Variants in GALNTL6 observed in about 807,000 individuals in gnomAD.
GALNTL6 encodes the protein polypeptide N-acetylgalactosaminyltransferase like 6.
Under a neutral mutation model 73.7 loss-of-function variants are expected in GALNTL6, and 46 were observed. That is an observed-to-expected ratio of 0.62 (90% CI 0.49 to 0.80). GALNTL6 has a LOEUF of 0.80. GALNTL6 is among the 30% of genes least tolerant of loss of function. The probability of loss-of-function intolerance (pLI) is 0.00; values close to 1 mark genes in which losing one functional copy is unlikely to be tolerated. For synonymous variants in GALNTL6, 259 were observed against 263.7 expected, an observed-to-expected ratio of 0.98 and a Z score of 0.17; for missense variants, 604 against 755.0, an observed-to-expected ratio of 0.80 and a Z score of 2.34.
intron 5 of GALNTL6, among the ~76,000 whole-genome samples, chr4:172,635,890 A>C (rs557867246): frequency 6.6e-6 from 1 of 152,214 alleles, no homozygotes; most frequent in Admixed American, 6.5e-5. Flanking sequence ...CCACTAAACC[A>C]TATGATAATT....
At chr4:172,826,103 G>A (rs1469097293) in intron 7 of GALNTL6, among the ~76,000 whole-genome samples, 1 of 152,042 alleles carries the variant, frequency 6.6e-6, no homozygotes, top group Non-Finnish European at 1.5e-5. Context: ...CTTCCACCGT[G>A]AGCAGCAGGC....
chr4:172,818,903 A>G (rs181707955), intron 7 of GALNTL6, among the ~76,000 whole-genome samples: 158 of 152,202 alleles, frequency 1.0e-3, no homozygotes, highest in African/African-American at 3.5e-3. Context: ...GGCCACAATC[A>G]TCCATTTTAT....
intron 5 of GALNTL6, among the ~76,000 whole-genome samples, chr4:172,779,122 T>A (rs1029178177): frequency 3.9e-5 from 6 of 152,162 alleles, no homozygotes; most frequent in Non-Finnish European, 8.8e-5. Flanking sequence ...ACCCAGAGCC[T>A]ACAGGGGTAC....
chr4:172,243,097 T>C (rs576967068), intron 3 of GALNTL6, among the ~76,000 whole-genome samples: 4 of 152,338 alleles, frequency 2.6e-5, no homozygotes, highest in South Asian at 2.1e-4. Flanking sequence ...CCTCAACTCT[T>C]ACTGATTGGT....
intron 7 of GALNTL6, among the ~76,000 whole-genome samples, chr4:172,870,511 G>A (rs1318209832): frequency 6.6e-6 from 1 of 152,168 alleles, no homozygotes. Context: ...ACTATTTCAG[G>A]TAATAGCCTT....
At chr4:172,867,231 G>T (rs949630714) in intron 7 of GALNTL6, among the ~76,000 whole-genome samples, 1 of 152,160 alleles carries the variant, frequency 6.6e-6, no homozygotes, top group African/African-American at 2.4e-5. Flanking sequence ...GACAAAAAGG[G>T]TATAACATCC....
chr4:172,678,178 T>C lies in GALNTL6; in HGVS notation c.554-131183T>C, dbSNP rs564416807. ...TGAGGCCTACAGGGCGATTTGGCAC[T>C]GGCTGTGACTGGACTGTTTTCCAGG... On this transcript the variant is annotated intron_variant, in intron 5 of 12. Transcript: ENST00000506823. Among the ~76,000 whole-genome samples, 20 of 152,370 alleles carry C rather than the reference T, an allele frequency of 1.3e-4. No individual in the cohort carries two copies. In the East Asian group the frequency reaches 2.5e-3, roughly 19 times the overall value.
intron 4 of GALNTL6, among the ~76,000 whole-genome samples, chr4:172,329,839 G>T (rs1741066160): frequency 6.6e-6 from 1 of 152,198 alleles, no homozygotes; most frequent in Non-Finnish European, 1.5e-5. Context: ...TGGCAAGGGT[G>T]GCTAGTGACC....
chr4:172,430,122 G>T (rs1006315282), intron 5 of GALNTL6, among the ~76,000 whole-genome samples: 2 of 151,812 alleles, frequency 1.3e-5, no homozygotes, highest in African/African-American at 4.8e-5. Flanking sequence ...GAAACGGAGA[G>T]AAAATATTAA....
chr4:172,178,227 C>A (rs769332411), intron 2 of GALNTL6, among the ~76,000 whole-genome samples: 13 of 152,020 alleles, frequency 8.6e-5, no homozygotes, highest in Non-Finnish European at 1.0e-4. Flanking sequence ...GTTTGAACAG[C>A]GCCTGACAAA....
At chr4:172,477,753 T>G (rs1733291411) in intron 5 of GALNTL6, among the ~76,000 whole-genome samples, 1 of 152,202 alleles carries the variant, frequency 6.6e-6, no homozygotes, top group Non-Finnish European at 1.5e-5. Flanking sequence ...GGATGCTTGT[T>G]GTAGGCTGTG....
At chr4:172,424,366 G>A (rs1396104670) in intron 5 of GALNTL6, among the ~76,000 whole-genome samples, 1 of 151,912 alleles carries the variant, frequency 6.6e-6, no homozygotes, top group Non-Finnish European at 1.5e-5. Context: ...TAATTTAATG[G>A]TTCTACACAT....
chr4:172,413,601 T>C lies in GALNTL6; in HGVS notation c.553+64912T>C, dbSNP rs144782455. On this transcript the variant is annotated intron_variant, in intron 5 of 12. Transcript: ENST00000506823. Reference sequence around the variant, plus strand: ...GGCTTTTATGATGACCAAAATTGTATGTGCTAGTAACTCTACTTGACATTA... The same window carrying C: ...GGCTTTTATGATGACCAAAATTGTACGTGCTAGTAACTCTACTTGACATTA... Among the ~76,000 whole-genome samples, 514 of 152,202 alleles carry C rather than the reference T, an allele frequency of 3.4e-3. 5 individuals are homozygous for C. The highest frequency in any genetic ancestry group is 0.02 in the Middle Eastern group (6 of 294).
chr4:172,123,533 C>A (rs1289915962), intron 2 of GALNTL6, among the ~76,000 whole-genome samples: 1 of 116,670 alleles, frequency 8.6e-6, no homozygotes, highest in African/African-American at 3.4e-5. Flanking sequence ...GATGGAGTCT[C>A]ACTCTGTCGC....
At chr4:172,397,887 A>G (rs1257777343) in intron 5 of GALNTL6, among the ~76,000 whole-genome samples, 1 of 152,048 alleles carries the variant, frequency 6.6e-6, no homozygotes. Flanking sequence ...ACTATCTTTT[A>G]TTTTTATCTT....
chr4:172,101,559 A>T (rs1307399981), intron 2 of GALNTL6, among the ~76,000 whole-genome samples: 1 of 152,210 alleles, frequency 6.6e-6, no homozygotes, highest in Non-Finnish European at 1.5e-5. Flanking sequence ...TCAATTGCAG[A>T]CATGCCATTC....
chr4:171,916,960 T>A lies in GALNTL6; in HGVS notation c.138+102242T>A, dbSNP rs147960395. ...CCCACGCAGGGAGAGTTTAGGGATG[T>A]CAGTAATGGTATTGATGAAGACAGA... On this transcript the variant is annotated intron_variant, in intron 2 of 12. Coordinates refer to ENST00000506823, the MANE Select transcript of GALNTL6 (RefSeq NM_001034845.3). 3.8e-3 allele frequency among the ~76,000 whole-genome samples: 571 copies of A among 152,158 alleles called. 5 individuals carry two copies. The highest frequency in any genetic ancestry group is 3.7e-3 in the Non-Finnish European group (251 of 67,970).
At chr4:172,797,290 T>C (rs567597132) in intron 5 of GALNTL6, among the ~76,000 whole-genome samples, 3 of 152,256 alleles carry the variant, frequency 2.0e-5, no homozygotes, top group South Asian at 4.1e-4. Flanking sequence ...TCTTGCTCTG[T>C]CCCGCAGGTT....
intron 2 of GALNTL6, among the ~76,000 whole-genome samples, chr4:172,042,728 C>T (rs570800848): frequency 3.2e-4 from 48 of 151,710 alleles, no homozygotes; most frequent in African/African-American, 1.1e-3. Flanking sequence ...CTTAACTCAT[C>T]TCTCTCTTTC....
Sources: allele counts gnomAD v4.1 joint callset (sites outside exome capture counted in the v4.1 genomes callset), GRCh38; gene constraint gnomAD v4.1.1; transcripts MANE v1.5; gene names NCBI Gene and HGNC (gene_info 2026-07-23, HGNC 2026-07-21).